The following COL23A1 variants were observed in gnomAD, a reference collection of about 807,000 sequenced individuals.
COL23A1 encodes collagen type XXIII alpha 1 chain, also known as collagen alpha-1(XXIII) chain.
COL23A1 carries 97 observed loss-of-function variants against 99.3 expected under a neutral mutation model. The ratio of observed to expected loss-of-function variants is 0.98; its 90% CI spans 0.83 to 1.16. The LOEUF (loss-of-function observed/expected upper bound fraction) is 1.16. COL23A1 is among the 50% of genes most tolerant of loss of function. COL23A1 has a pLI of 0.00. For synonymous variants in COL23A1, 320 were observed against 308.2 expected (o/e 1.04, Z -0.40); for missense variants, 762 against 757.4 (o/e 1.01, Z -0.07).
At chr5:178,496,016 C>T (rs977441066) in intron 2 of COL23A1, among the ~76,000 whole-genome samples, 2 of 152,150 alleles carry the variant, frequency 1.3e-5, no homozygotes, top group Non-Finnish European at 2.9e-5. Context: ...GAGCTCCAAA[C>T]CCATGTTCTT....
At chr5:178,483,087 A>T (rs564607717) in intron 2 of COL23A1, among the ~76,000 whole-genome samples, 97 of 152,238 alleles carry the variant, frequency 6.4e-4, no homozygotes, top group Non-Finnish European at 7.6e-4. Context: ...GAAAAAGAAA[A>T]AAAAAACTAA....
At chr5:178,537,559 C>T (rs1761045642) in intron 2 of COL23A1, among the ~76,000 whole-genome samples, 1 of 152,172 alleles carries the variant, frequency 6.6e-6, no homozygotes, top group Non-Finnish European at 1.5e-5. Context: ...CATGGGCTCC[C>T]CACTCAGCAG....
chr5:178,242,823 T>C lies in COL23A1; in HGVS notation c.1441-429A>G, dbSNP rs112036730. ...CTGCACACCCATCTGTCCATTCATCTATCTGTCCGTCCACCCAACCAAGGT... is the reference window on the plus strand; with the variant it reads ...CTGCACACCCATCTGTCCATTCATCCATCTGTCCGTCCACCCAACCAAGGT... On this transcript the variant is annotated intron_variant, in intron 25 of 28. Transcript: ENST00000390654. Among the ~76,000 whole-genome samples the C allele has an allele frequency of 3.3e-5, 5 of 152,356 alleles. 1 individual carries two copies. Among genetic ancestry groups the C allele is most frequent in the African/African-American group, 1.2e-4 (5 of 41,586 alleles).
At chr5:178,554,944 T>C (rs1762188898) in intron 2 of COL23A1, among the ~76,000 whole-genome samples, 1 of 152,224 alleles carries the variant, frequency 6.6e-6, no homozygotes, top group Non-Finnish European at 1.5e-5. Context: ...TCCAGGACTT[T>C]TCATCTTTCC....
At chr5:178,565,495 CGAG>C (rs1415408989) in intron 1 of COL23A1, among the ~76,000 whole-genome samples, 1 of 152,128 alleles carries the variant, frequency 6.6e-6, no homozygotes, top group Non-Finnish European at 1.5e-5. Flanking sequence ...ACCAGCAACC[CGAG>C]GAGACTCCTT....
chr5:178,408,955 C>CAAA (rs761044673), intron 2 of COL23A1, among the ~76,000 whole-genome samples: 2 of 71,650 alleles, frequency 2.8e-5, no homozygotes, highest in African/African-American at 1.2e-4. Context: ...AACTCTGTCT[C>CAAA]AAAAAAAAAA....
At chr5:178,334,060 C>T (rs1760186825) in intron 2 of COL23A1, among the ~76,000 whole-genome samples, 2 of 152,152 alleles carry the variant, frequency 1.3e-5, no homozygotes, top group Non-Finnish European at 2.9e-5. Flanking sequence ...GTTCCCTGTC[C>T]TCCACCCCAT....
intron 2 of COL23A1, among the ~76,000 whole-genome samples, chr5:178,491,303 G>A (rs1249517417): frequency 6.6e-6 from 1 of 152,050 alleles, no homozygotes; most frequent in Admixed American, 6.6e-5. Flanking sequence ...GTCTAAGCTG[G>A]TGACCCCAAG....
chr5:178,262,417 T>C (rs1402690744), intron 9 of COL23A1, among the ~76,000 whole-genome samples, 165 bp from the exon 10 acceptor site: 1 of 152,052 alleles, frequency 6.6e-6, no homozygotes, highest in East Asian at 1.9e-4. Flanking sequence ...CAGATGAGAA[T>C]GTTAGGCTGG....
At chr5:178,367,259 AT>A (rs1295078128) in intron 2 of COL23A1, among the ~76,000 whole-genome samples, 3 of 152,060 alleles carry the variant, frequency 2.0e-5, no homozygotes, top group Non-Finnish European at 4.4e-5. Flanking sequence ...CGCTTAGTGC[AT>A]TTTCTATCAT....
intron 2 of COL23A1, among the ~76,000 whole-genome samples, chr5:178,451,165 C>T (rs1046119159): frequency 4.6e-5 from 7 of 152,182 alleles, no homozygotes; most frequent in Non-Finnish European, 8.8e-5. Flanking sequence ...CAATTATTTA[C>T]ATTTTAAGAA....
intron 1 of COL23A1, among the ~76,000 whole-genome samples, chr5:178,576,592 C>T (rs1581669342): frequency 1.3e-5 from 2 of 152,200 alleles, no homozygotes; most frequent in African/African-American, 4.8e-5. Context: ...CAGGGTTCAC[C>T]ATGCTGGGCT....
At chr5:178,408,222 A>C (rs1197011379) in intron 2 of COL23A1, among the ~76,000 whole-genome samples, 1 of 152,220 alleles carries the variant, frequency 6.6e-6, no homozygotes, top group Non-Finnish European at 1.5e-5. Context: ...CATCTAGTGA[A>C]AATATCCTTC....
In COL23A1 at chr5:178,585,552, TGGTTGATGCTGGGGGTAACACTCC is replaced by T. The variant is rs1322170703; in HGVS notation, c.294+4328_294+4351del. On this transcript the variant is annotated intron_variant, in intron 1 of 28. Transcript: ENST00000390654. ...ACGCTGGAGTAACACTCCACAGCCC[TGGTTGATGCTGGGGGTAACACTCC>T]ACAGCCCTGGATGGCGCTGGGGTAA... Among the ~76,000 whole-genome samples, 77 of 122,376 alleles carry T rather than the reference TGGTTGATGCTGGGGGTAACACTCC, an allele frequency of 6.3e-4. 7 individuals carry two copies. The highest frequency in any genetic ancestry group is 7.4e-3 in the Middle Eastern group (2 of 270). The allele number at this position is 122,376 out of a possible 152,430, so 80.3% of individuals were successfully genotyped here. A position where few individuals can be genotyped will look rare whatever the true frequency, so the allele number is the denominator to read the frequency against.
intron 2 of COL23A1, among the ~76,000 whole-genome samples, chr5:178,312,291 G>T (rs1758737986): frequency 6.6e-6 from 1 of 152,288 alleles, no homozygotes; most frequent in South Asian, 2.1e-4. Flanking sequence ...ATTTCAGGGT[G>T]CCAGGTCTAG....
At chr5:178,287,957 G>A (rs1166717283) in intron 5 of COL23A1, among the ~76,000 whole-genome samples, 4 of 152,232 alleles carry the variant, frequency 2.6e-5, no homozygotes, top group Admixed American at 2.6e-4. Flanking sequence ...GTGATGACGA[G>A]GAGCGGTGGC....
At position 178,358,002 on chromosome 5, in the gene COL23A1, A is replaced by ATGTGTGTG. The variant is rs1232082036; in HGVS notation, c.362-51084_362-51083insCACACACA. Reference sequence around the variant, plus strand: ...TATATGTGTGTATGCGTGTGTGTATATGTATGTGTGTGTATGTGTGTGTAT... The same window carrying ATGTGTGTG: ...TATATGTGTGTATGCGTGTGTGTATATGTGTGTGTGTATGTGTGTGTATGTGTGTGTAT... On this transcript the variant is annotated intron_variant, in intron 2 of 28. Coordinates refer to ENST00000390654, the MANE Select transcript of COL23A1 (RefSeq NM_173465.4). 9.4e-5 allele frequency among the ~76,000 whole-genome samples: 10 copies of ATGTGTGTG among 106,776 alleles called. No homozygotes were observed. The East Asian group carries it at 2.6e-3, about 28-fold the overall frequency. The allele number at this position is 106,776 out of a possible 152,430, so 70.0% of individuals were successfully genotyped here. A position where few individuals can be genotyped will look rare whatever the true frequency, so the allele number is the denominator to read the frequency against.
chr5:178,387,609 G>A lies in COL23A1; in HGVS notation c.362-80690C>T, dbSNP rs1231646444. 3.3e-5 allele frequency among the ~76,000 whole-genome samples: 5 copies of A among 152,104 alleles called. No individual in the cohort carries two copies. Among genetic ancestry groups the A allele is most frequent in the Non-Finnish European group, 7.4e-5 (5 of 68,018 alleles). On this transcript the variant is annotated intron_variant, in intron 2 of 28. Transcript: ENST00000390654. The surrounding 1 kb of genome is among the most constrained non-coding windows in gnomAD (Gnocchi z 4.7). Reference sequence around the variant, plus strand: ...GGGGTTTGCCTGAGCCTCCCCTCCTGGACCAATAACTTCTAGAGGCTCATG... The same window carrying A: ...GGGGTTTGCCTGAGCCTCCCCTCCTAGACCAATAACTTCTAGAGGCTCATG...
intron 2 of COL23A1, among the ~76,000 whole-genome samples, chr5:178,354,698 C>A (rs1002428127): frequency 1.3e-5 from 2 of 152,150 alleles, no homozygotes; most frequent in Non-Finnish European, 2.9e-5. Flanking sequence ...TTTCCTGAGG[C>A]CTCCCCAGAA....
Sources: gnomAD v4.1 joint callset for allele counts (sites outside exome capture counted in the v4.1 genomes callset) on GRCh38, gnomAD v4.1.1 for gene constraint, Gnocchi (gnomAD v3.1) non-coding constraint, MANE v1.5 for transcripts, NCBI Gene and HGNC (gene_info 2026-07-23, HGNC 2026-07-21) for gene names.